The following ESR1 variants were observed in gnomAD, a reference collection of about 807,000 sequenced individuals.
The protein encoded by ESR1 is estrogen receptor 1, also known as estrogen receptor.
In ESR1, 12 loss-of-function variants were observed where a neutral mutation model predicts 52.7. That is an observed-to-expected ratio of 0.23 (90% confidence interval 0.15 to 0.37). ESR1 has a LOEUF of 0.37. Ranked by LOEUF, ESR1 falls within the 10% of genes least tolerant of loss-of-function variation. The probability of loss-of-function intolerance (pLI) is 1.00; values close to 1 mark genes in which losing one functional copy is unlikely to be tolerated. For missense variants in ESR1, 584 were observed against 779.7 expected (o/e 0.75, Z 2.99); for synonymous variants, 305 against 316.8 (o/e 0.96, Z 0.39).
intron 1 of ESR1, among the ~76,000 whole-genome samples, chr6:151,812,746 C>T (rs1180547739): frequency 6.6e-6 from 1 of 152,104 alleles, no homozygotes; most frequent in Non-Finnish European, 1.5e-5. Flanking sequence ...AATTCTGTCT[C>T]AGTTTGCTTA....
chr6:152,055,466 C>G (rs1281140383), intron 5 of ESR1, among the ~76,000 whole-genome samples: 2 of 152,122 alleles, frequency 1.3e-5, no homozygotes, highest in East Asian at 3.9e-4. Flanking sequence ...CTGCTGTCAC[C>G]CTTTGCCATA....
At chr6:152,082,365 A>G (rs2049301287) in intron 6 of ESR1, among the ~76,000 whole-genome samples, 1 of 152,232 alleles carries the variant, frequency 6.6e-6, no homozygotes. Flanking sequence ...CAAAAACCAC[A>G]TGATTATCTC....
At chr6:152,034,753 T>C (rs780881990) in intron 5 of ESR1, among the ~76,000 whole-genome samples, 1 of 152,200 alleles carries the variant, frequency 6.6e-6, no homozygotes, top group African/African-American at 2.4e-5. Flanking sequence ...GAATTGTCAG[T>C]GCAGACCCAC....
rs1194247103 is a variant in ESR1, at chr6:151,830,102, G to T, written c.453-12495G>T. Among the ~76,000 whole-genome samples the T allele has an allele frequency of 2.0e-5, 3 of 152,206 alleles. No individual in the cohort carries two copies. In the East Asian group the frequency reaches 5.8e-4, roughly 29 times the overall value. On this transcript the variant is annotated intron_variant, in intron 1 of 7. Transcript: ENST00000206249. ...GATCACATTCAAAAGCAGGCCAGGG[G>T]CCAATGTGTAAGCAGGTGGGTTTTC...
At chr6:151,832,279 A>T (rs995998543) in intron 1 of ESR1, among the ~76,000 whole-genome samples, 12 of 152,180 alleles carry the variant, frequency 7.9e-5, no homozygotes, top group Non-Finnish European at 1.5e-5. Context: ...CCCAGGAGTC[A>T]TTTACCTTGA....
At position 151,796,731 on chromosome 6, in the gene ESR1, T is replaced by A. The variant is rs80323861; in HGVS notation, c.-70-11112T>A. Reference sequence around the variant, plus strand: ...TTCTGGTGAGGGCTCAGAAGAGAGATCATAAGTAAAGAACACTAGAAAGGA... The same window carrying A: ...TTCTGGTGAGGGCTCAGAAGAGAGAACATAAGTAAAGAACACTAGAAAGGA... On this transcript the variant is annotated intron_variant, in intron 2 of 2. Coordinates refer to the ESR1 transcript ENST00000404742. Among the ~76,000 whole-genome samples, 988 of 152,266 alleles carry A rather than the reference T, an allele frequency of 6.5e-3. 13 individuals carry two copies. The highest frequency in any genetic ancestry group is 0.022 in the African/African-American group (933 of 41,552).
chr6:151,991,996 C>T (rs2041069394), intron 4 of ESR1, among the ~76,000 whole-genome samples: 1 of 152,108 alleles, frequency 6.6e-6, no homozygotes, highest in Non-Finnish European at 1.5e-5. Flanking sequence ...TTCCCTGACA[C>T]CAGGCTGAGT....
intron 2 of ESR1, among the ~76,000 whole-genome samples, chr6:151,754,896 T>G (rs1332936958): frequency 2.0e-5 from 3 of 152,212 alleles, no homozygotes; most frequent in African/African-American, 7.2e-5. Context: ...TCTAAGAACT[T>G]TGCCAAACTT....
intron 3 of ESR1, among the ~76,000 whole-genome samples, chr6:151,909,719 T>C (rs1177475059): frequency 3.9e-5 from 6 of 152,234 alleles, no homozygotes; most frequent in South Asian, 2.1e-4. Flanking sequence ...GCATGACCCC[T>C]GGAACTTGGC....
intron 2 of ESR1, among the ~76,000 whole-genome samples, chr6:151,747,223 G>A (rs1404918505): frequency 2.0e-5 from 3 of 152,220 alleles, no homozygotes; most frequent in African/African-American, 7.2e-5. Flanking sequence ...AAAGCTCTTA[G>A]ATTGTGAATG....
At chr6:152,038,372 C>G (rs1221255510) in intron 5 of ESR1, among the ~76,000 whole-genome samples, 2 of 152,200 alleles carry the variant, frequency 1.3e-5, no homozygotes, top group Admixed American at 6.5e-5. Context: ...CCCTCACAGA[C>G]ACACCCAAGG....
At chr6:151,849,517 G>A (rs1222783755) in intron 2 of ESR1, among the ~76,000 whole-genome samples, 3 of 152,020 alleles carry the variant, frequency 2.0e-5, no homozygotes, top group African/African-American at 7.2e-5. Flanking sequence ...GATGGCATGT[G>A]CCTGTAATCC....
At chr6:151,799,450 G>A (rs775245317), upstream of ESR1, among the ~76,000 whole-genome samples, 1 of 152,168 alleles carries the variant, frequency 6.6e-6, no homozygotes, top group Non-Finnish European at 1.5e-5. Context: ...TACTTCTTTC[G>A]AGGTAAATCA....
chr6:151,980,005 T>A (rs2039838566), intron 4 of ESR1, among the ~76,000 whole-genome samples: 1 of 152,220 alleles, frequency 6.6e-6, no homozygotes, highest in African/African-American at 2.4e-5. Context: ...GCTATTTGCA[T>A]GTATTTTTTT....
chr6:151,925,140 G>GTTTTTTTGTTTGTTTC (rs1162051577), intron 3 of ESR1, among the ~76,000 whole-genome samples: 3 of 63,984 alleles, frequency 4.7e-5, no homozygotes, highest in African/African-American at 1.1e-4. Context: ...TTGTTTGTTT[G>GTTTTTTTGTTTGTTTC]TTTGTTTTTT....
downstream of ESR1, among the ~76,000 whole-genome samples, chr6:152,107,181 G>GT (rs1421594774): frequency 6.6e-6 from 1 of 151,944 alleles, no homozygotes; most frequent in African/African-American, 2.4e-5. Context: ...TTCAAATAAT[G>GT]TTTTTCCCCC....
At chr6:152,114,748 G>A (rs1446242555) in intron 6 of ESR1, among the ~76,000 whole-genome samples, 2 of 151,188 alleles carry the variant, frequency 1.3e-5, no homozygotes, top group Admixed American at 6.6e-5. Flanking sequence ...AAAATTAGCC[G>A]GGCGTAGTGG....
chr6:151,911,390 T>C (rs1012569896), intron 3 of ESR1, among the ~76,000 whole-genome samples: 2 of 152,206 alleles, frequency 1.3e-5, no homozygotes, highest in Non-Finnish European at 2.9e-5. Context: ...TGGCTTTTCT[T>C]TACTGTATTT....
chr6:151,903,784 G>A (rs138468875), intron 3 of ESR1, among the ~76,000 whole-genome samples: 2 of 152,230 alleles, frequency 1.3e-5, no homozygotes, highest in African/African-American at 4.8e-5. Flanking sequence ...TTTGTTTATT[G>A]ATCGCTTAAT....
Sources: allele counts gnomAD v4.1 joint callset (sites outside exome capture counted in the v4.1 genomes callset), GRCh38; gene constraint gnomAD v4.1.1; transcripts MANE v1.5; gene names NCBI Gene and HGNC (gene_info 2026-07-23, HGNC 2026-07-21).